The following MOGAT1 variants were observed in gnomAD, a reference collection of about 807,000 sequenced individuals.
MOGAT1 encodes the protein 2-acylglycerol O-acyltransferase 1.
Under a neutral mutation model 31.4 loss-of-function variants are expected in MOGAT1, and 32 were observed. The observed-to-expected ratio is 1.02, with a 90% CI of 0.77 to 1.37. MOGAT1 has a LOEUF of 1.37. Ranked by LOEUF, MOGAT1 falls within the 40% of genes most tolerant of loss-of-function variation. The pLI, the probability that MOGAT1 is intolerant of heterozygous loss-of-function variation, is 0.00. For synonymous variants in MOGAT1, 145 were observed against 144.5 expected (o/e 1.00, Z -0.03); for missense variants, 426 against 402.0 (o/e 1.06, Z -0.51).
chr2:222,689,899 A>T (rs1409779500), intron 3 of MOGAT1, among the ~76,000 whole-genome samples: 1 of 152,272 alleles, frequency 6.6e-6, no homozygotes, highest in Non-Finnish European at 1.5e-5. Context: ...AAGTAACAGC[A>T]GTGATAAAAC....
At chr2:222,695,720 C>G (rs968490614) in intron 5 of MOGAT1, among the ~76,000 whole-genome samples, 1 of 151,794 alleles carries the variant, frequency 6.6e-6, no homozygotes, top group Non-Finnish European at 1.5e-5. Flanking sequence ...TTTTTTTTTG[C>G]AGCTAGCTGT....
chr2:222,688,707 A>G (rs1207630651), intron 2 of MOGAT1, among the ~76,000 whole-genome samples, 185 bp downstream of exon 2: 2 of 152,164 alleles, frequency 1.3e-5, no homozygotes, highest in Non-Finnish European at 2.9e-5. Context: ...ACAGTTGTGG[A>G]GGCTGGGATC....
chr2:222,701,484 G>A (rs1262333042), intron 5 of MOGAT1, among the ~76,000 whole-genome samples: 2 of 145,058 alleles, frequency 1.4e-5, no homozygotes, highest in East Asian at 4.0e-4. Context: ...GAGAAAGAAA[G>A]AAAGAGAGAG....
chr2:222,689,611 G>A (rs1692728890), intron 3 of MOGAT1, 142 bp downstream of exon 3: 2 of 732,958 alleles, frequency 2.7e-6, no homozygotes, highest in Non-Finnish European at 4.5e-6. Flanking sequence ...TATGGTGTCT[G>A]GGTGTTTCCT....
intron 1 of MOGAT1, among the ~76,000 whole-genome samples, chr2:222,676,444 T>TTTTG (rs1400096442): frequency 6.6e-5 from 10 of 152,238 alleles, no homozygotes; most frequent in Admixed American, 3.3e-4. Flanking sequence ...GTTCATTGCT[T>TTTTG]TTTGTTTCTA....
rs181867377 is a variant in MOGAT1, at chr2:222,704,856, G to A, written c.854-4880G>A. On this transcript the variant is annotated intron_variant, in intron 5 of 5. Transcript: ENST00000446656. ...AGGCTGAGACCCCAAGTAATTGAATGTTGGGCCTAAGGGATTAGGGGTAGG... is the reference window on the plus strand; with the variant it reads ...AGGCTGAGACCCCAAGTAATTGAATATTGGGCCTAAGGGATTAGGGGTAGG... Among the ~76,000 whole-genome samples, 568 of 152,214 alleles carry A rather than the reference G, an allele frequency of 3.7e-3. 5 individuals are homozygous for A. Among genetic ancestry groups the A allele is most frequent in the South Asian group, 6.0e-3 (29 of 4,816 alleles).
chr2:222,699,740 C>T (rs1421086296), intron 5 of MOGAT1, among the ~76,000 whole-genome samples: 2 of 150,962 alleles, frequency 1.3e-5, no homozygotes, highest in African/African-American at 2.4e-5. Context: ...CCTTGTGATC[C>T]GCCCATCTCA....
At chr2:222,687,044 G>A (rs946310916) in intron 1 of MOGAT1, among the ~76,000 whole-genome samples, 1 of 144,680 alleles carries the variant, frequency 6.9e-6, no homozygotes, top group Non-Finnish European at 1.5e-5. Flanking sequence ...AACCCAGGAG[G>A]CAGAGGCTGC....
chr2:222,691,501 G>A (rs530847230), intron 3 of MOGAT1, among the ~76,000 whole-genome samples: 4 of 152,106 alleles, frequency 2.6e-5, no homozygotes, highest in South Asian at 4.1e-4. Flanking sequence ...GCACCACTGC[G>A]CCCAGCAATC....
At chr2:222,676,568 G>A (rs753093817) in intron 1 of MOGAT1, among the ~76,000 whole-genome samples, 10 of 152,094 alleles carry the variant, frequency 6.6e-5, no homozygotes, top group Non-Finnish European at 1.3e-4. Context: ...ACAGATATTT[G>A]TATGAACATA....
At chr2:222,704,950 G>C (rs991061591) in intron 5 of MOGAT1, among the ~76,000 whole-genome samples, 2 of 152,108 alleles carry the variant, frequency 1.3e-5, no homozygotes, top group Admixed American at 1.3e-4. Context: ...TCTCACACAA[G>C]AAAGAATTCA....
chr2:222,688,274 C>A, intron 1 of MOGAT1, 70 bp from the exon 2 acceptor site: 2 of 1,260,696 alleles, frequency 1.6e-6, no homozygotes, highest in South Asian at 1.6e-5. Flanking sequence ...TATTAATCCC[C>A]CTGCCATGGG....
At chr2:222,703,203 G>A (rs1388079816) in intron 5 of MOGAT1, among the ~76,000 whole-genome samples, 12 of 152,202 alleles carry the variant, frequency 7.9e-5, no homozygotes, top group Admixed American at 7.2e-4. Flanking sequence ...TAAATGGGGA[G>A]ACTAAAGGAA....
chr2:222,699,834 A>T (rs1692894282), intron 5 of MOGAT1, among the ~76,000 whole-genome samples: 1 of 152,074 alleles, frequency 6.6e-6, no homozygotes. Flanking sequence ...TCTTCCTTTT[A>T]CGAGATGGTG....
intron 1 of MOGAT1, among the ~76,000 whole-genome samples, chr2:222,676,014 C>G (rs1023217235): frequency 6.6e-6 from 1 of 152,068 alleles, no homozygotes; most frequent in Admixed American, 6.6e-5. Flanking sequence ...CTTCCCATCA[C>G]CAGGAAAGTG....
chr2:222,689,343 G>T lies in MOGAT1; in HGVS notation c.352G>T (p.Ala118Ser), dbSNP rs895338494. The T allele has an allele frequency of 1.2e-6, 2 of 1,613,998 alleles. No individual in the cohort carries two copies. Among genetic ancestry groups the T allele is most frequent in the African/African-American group, 2.7e-5 (2 of 75,064 alleles). Residue 118 changes from alanine to serine, a missense_variant, in exon 3 of 6, where the codon GCC (alanine) becomes TCC (serine). By Grantham distance (99) the Ala-to-Ser change is moderately conservative. Transcript: ENST00000446656. ...FHPHGIMAVG[A>S]FGNFSVNYSD... ...CCCCCATGGAATAATGGCAGTTGGA[G>T]CCTTTGGGAATTTTTCTGTAAATTA...
intron 1 of MOGAT1, among the ~76,000 whole-genome samples, chr2:222,674,042 G>A (rs905725106): frequency 1.3e-4 from 20 of 152,126 alleles, no homozygotes; most frequent in Admixed American, 2.0e-4. Flanking sequence ...AGGACTACCC[G>A]TTACCCTCAT....
In MOGAT1 at chr2:222,709,896, C is replaced by G. The variant is rs1235089358; in HGVS notation, c.*6C>G. ...AGACTCTTGTTTTAAAATGACTTGA[C>G]TATAAAAAAAAATTAAAAAATAAAA... On this transcript the variant is annotated 3_prime_UTR_variant, in exon 6 of 6. Transcript: ENST00000446656. 6.4e-7 allele frequency: 1 copy of G among 1,568,570 alleles called. No individual in the cohort carries two copies. Among genetic ancestry groups the G allele is most frequent in the Non-Finnish European group, 8.6e-7 (1 of 1,160,516 alleles).
rs1489504663 is a variant in MOGAT1 at position 222,691,198 on chromosome 2, TA to T, written c.478+1730del. Reference sequence around the variant, plus strand: ...GGTTTCTTTTTATTTATTTATTTTTTATTTTATTTTATTTTATTTTTTTTGA... The same window carrying T: ...GGTTTCTTTTTATTTATTTATTTTTTTTTTATTTTATTTTATTTTTTTTGA... On this transcript the variant is annotated intron_variant, in intron 3 of 5. Coordinates refer to ENST00000446656, the MANE Select transcript of MOGAT1 (RefSeq NM_058165.3). Among the ~76,000 whole-genome samples, 442 of 150,878 alleles carry T rather than the reference TA, an allele frequency of 2.9e-3. 3 individuals carry two copies. Among genetic ancestry groups the T allele is most frequent in the Middle Eastern group, 0.014 (4 of 294 alleles).
Sources: gnomAD v4.1 joint callset for allele counts (sites outside exome capture counted in the v4.1 genomes callset) on GRCh38, gnomAD v4.1.1 for gene constraint, MANE v1.5 for transcripts, NCBI Gene and HGNC (gene_info 2026-07-23, HGNC 2026-07-21) for gene names.